The following ARHGAP29 variants were observed in gnomAD, a reference collection of about 807,000 sequenced individuals.
ARHGAP29 encodes Rho GTPase activating protein 29.
ARHGAP29 carries 43 observed loss-of-function variants against 122.6 expected under a neutral mutation model. That is an observed-to-expected ratio of 0.35 (90% CI 0.27 to 0.45). The LOEUF (loss-of-function observed/expected upper bound fraction) is 0.45, where lower values mean the gene tolerates loss of function less well. Ranked by LOEUF, ARHGAP29 falls within the 20% of genes least tolerant of loss-of-function variation. ARHGAP29 has a pLI of 1.00. For synonymous variants in ARHGAP29, 506 were observed against 497.1 expected (o/e 1.02, Z -0.24); for missense variants, 1,303 against 1,477.2 (o/e 0.88, Z 1.93).
At chr1:94,210,179 T>G (rs1452257430) in intron 3 of ARHGAP29, among the ~76,000 whole-genome samples, 1 of 152,190 alleles carries the variant, frequency 6.6e-6, no homozygotes, top group East Asian at 1.9e-4. Flanking sequence ...GGGCTGGGTA[T>G]AAAGAGTAAC....
At chr1:94,203,821 G>C (rs1350545927) in intron 8 of ARHGAP29, 109 bp downstream of exon 8, 1 of 831,654 alleles carries the variant, frequency 1.2e-6, no homozygotes, top group African/African-American at 1.7e-5. Context: ...AAAAAGATCA[G>C]CATTTAAGTG....
chr1:94,176,744 A>T (rs1003894383), intron 22 of ARHGAP29: 1 of 151,914 alleles, frequency 6.6e-6, no homozygotes, highest in African/African-American at 2.4e-5. Context: ...AGTAGCTGGG[A>T]TTACAGGCGC....
chr1:94,256,152 A>C (rs1047657572), intron 1 of ARHGAP29, among the ~76,000 whole-genome samples: 5 of 152,192 alleles, frequency 3.3e-5, no homozygotes, highest in African/African-American at 4.8e-5. Flanking sequence ...ACTCAAAGCA[A>C]GGTCACCTGT....
chr1:94,193,071 GAAAAA>G (rs1650221924), intron 12 of ARHGAP29: 1 of 151,994 alleles, frequency 6.6e-6, no homozygotes, highest in Admixed American at 6.6e-5. Context: ...TTGAAACATG[GAAAAA>G]CAGAAGAAGT....
the ARHGAP29 span, among the ~76,000 whole-genome samples, chr1:94,313,797 T>TA: frequency 3.9e-5 from 6 of 152,260 alleles, no homozygotes; most frequent in East Asian, 7.7e-4. Flanking sequence ...TATGCAGCCT[T>TA]AAAAAAAGAT....
intron 6 of ARHGAP29, 85 bp downstream of exon 6, chr1:94,205,550 C>A: frequency 7.8e-7 from 1 of 1,281,868 alleles, no homozygotes. Context: ...CACTAGGTTA[C>A]TAAGCAAGAA....
Position 94,189,263 on chromosome 1 carries a change from G to T in ARHGAP29, c.1529C>A (p.Ser510Tyr). The T allele has an allele frequency of 6.2e-7, 1 of 1,613,058 alleles. No homozygotes were observed. Among genetic ancestry groups the T allele is most frequent in the Admixed American group, 1.7e-5 (1 of 59,914 alleles). Residue 510 changes from serine (S) to tyrosine (Y), a missense_variant, in exon 14 of 23, where the codon TCT becomes TAT. Coordinates refer to ENST00000260526, the MANE Select transcript of ARHGAP29 (RefSeq NM_004815.4). ...LEDVVRLPDS[S>Y]NKIEEDRCSN... ...GCATCTGTCCTCTTCAATTTTATTA[G>T]AACTGTCAGGAAGGCGTACAACATC... is the stretch of plus-strand genomic sequence containing the variant.
At chr1:94,226,748 CAA>C (rs1652636192) in intron 2 of ARHGAP29, among the ~76,000 whole-genome samples, 1 of 151,508 alleles carries the variant, frequency 6.6e-6, no homozygotes, top group African/African-American at 2.4e-5. Context: ...CTTCGTTTCT[CAA>C]AGATTCATTT....
intron 19 of ARHGAP29, among the ~76,000 whole-genome samples, chr1:94,182,653 A>G (rs944703888): frequency 3.9e-5 from 6 of 152,194 alleles, no homozygotes; most frequent in Non-Finnish European, 8.8e-5. Context: ...AAGAAAAATA[A>G]TTTTCAGTCC....
chr1:94,257,031 T>G (rs1654386416), intron 1 of ARHGAP29, among the ~76,000 whole-genome samples: 1 of 152,124 alleles, frequency 6.6e-6, no homozygotes, highest in African/African-American at 2.4e-5. Context: ...ATGGAGGCTG[T>G]TTGAAAATTA....
In ARHGAP29 at chr1:94,172,703, A is replaced by AT. The variant is rs569187972; in HGVS notation, c.*1165dup. ...ATTCACACATAAAAACAGTCTACTTATTTTTTGTCCCTTTTATATCCTATT... is the reference window on the plus strand; with the variant it reads ...ATTCACACATAAAAACAGTCTACTTATTTTTTTGTCCCTTTTATATCCTATT... On this transcript the variant is annotated 3_prime_UTR_variant, in exon 23 of 23. Transcript: ENST00000260526. The AT allele has an allele frequency of 6.6e-6, 1 of 152,198 alleles. No individual in the cohort carries two copies. The highest frequency in any genetic ancestry group is 1.5e-5 in the Non-Finnish European group (1 of 67,894). 9.4% of individuals were successfully genotyped at this position (152,198 alleles called of 1,614,324 possible).
At position 94,171,737 on chromosome 1, in the gene ARHGAP29, A is replaced by C. The variant is rs1648751476; in HGVS notation, c.*2132T>G. The C allele has an allele frequency of 6.6e-6, 1 of 152,190 alleles. No individual in the cohort carries two copies. The highest frequency in any genetic ancestry group is 2.4e-5 in the African/African-American group (1 of 41,456). The allele number at this position is 152,190 out of a possible 1,614,324, so 9.4% of individuals were successfully genotyped here. ...AGCCCTAAAGGCAGAAAGGACCCAA[A>C]AGTGAAATTCTCATTTTTAAGCTGT... On this transcript the variant is annotated 3_prime_UTR_variant, in exon 23 of 23. Coordinates refer to ENST00000260526, the MANE Select transcript of ARHGAP29 (RefSeq NM_004815.4).
intron 3 of ARHGAP29, among the ~76,000 whole-genome samples, chr1:94,211,712 A>G: frequency 6.6e-6 from 1 of 152,232 alleles, no homozygotes; most frequent in East Asian, 1.9e-4. Context: ...AAAATCTCCA[A>G]ATATTTAGAA....
At chr1:94,251,629 A>G (rs1654098366) in intron 1 of ARHGAP29, among the ~76,000 whole-genome samples, 1 of 152,044 alleles carries the variant, frequency 6.6e-6, no homozygotes, top group African/African-American at 2.4e-5. Flanking sequence ...TTCCCCAGGT[A>G]CCCCAAAGTC....
At chr1:94,289,344 C>G in the ARHGAP29 span, among the ~76,000 whole-genome samples, 1 of 152,126 alleles carries the variant, frequency 6.6e-6, no homozygotes, top group Non-Finnish European at 1.5e-5. Flanking sequence ...GATTTTGTAT[C>G]CTGAGACTTT....
chr1:94,203,786 C>G, intron 8 of ARHGAP29, 144 bp downstream of exon 8: 1 of 684,158 alleles, frequency 1.5e-6, no homozygotes, highest in East Asian at 2.7e-5. Flanking sequence ...GGACATCCAT[C>G]TAAACTTAAA....
the ARHGAP29 span, among the ~76,000 whole-genome samples, chr1:94,305,265 T>C: frequency 6.6e-6 from 1 of 152,222 alleles, no homozygotes; most frequent in Admixed American, 6.5e-5. Flanking sequence ...AATGGCAGCA[T>C]CAGCCAATAT....
chr1:94,291,543 G>A, the ARHGAP29 span, among the ~76,000 whole-genome samples: 1 of 152,182 alleles, frequency 6.6e-6, no homozygotes, highest in African/African-American at 2.4e-5. Flanking sequence ...TTTCTTTATA[G>A]TGTCGATGGT....
Position 94,179,833 on chromosome 1 carries a change from T to G in ARHGAP29, c.2372A>C (p.Asn791Thr). Residue 791 changes from asparagine to threonine, a missense_variant, in exon 20 of 23, where the codon AAT becomes ACT. Physicochemically the swap from Asn to Thr is moderately conservative, Grantham distance 65. Around this residue, in one of 3 missense-constraint regions of ARHGAP29, gnomAD observed 620 missense variants for 651.2 expected, o/e 0.95. Coordinates refer to ENST00000260526, the MANE Select transcript of ARHGAP29 (RefSeq NM_004815.4). ...KNSLEDKKWP[N>T]MCIEINRILL... ...AATTCGGTTTATTTCTATACACATA[T>G]TTGGCCATTTTTTGTCTTCAAGACT... The G allele has an allele frequency of 6.2e-7, 1 of 1,613,370 alleles. No homozygotes were observed. Among genetic ancestry groups the G allele is most frequent in the Admixed American group, 1.7e-5 (1 of 60,010 alleles).
Sources: allele counts gnomAD v4.1 joint callset (sites outside exome capture counted in the v4.1 genomes callset), GRCh38; gene constraint gnomAD v4.1.1; regional missense constraint gnomAD v4.1.1; transcripts MANE v1.5; gene names NCBI Gene and HGNC (gene_info 2026-07-23, HGNC 2026-07-21).